Variants in ZFP1 observed in about 807,000 individuals in gnomAD.
The protein encoded by ZFP1 is ZFP1 zinc finger protein.
A neutral mutation model predicts 38.5 loss-of-function variants in ZFP1; 32 were observed. The observed-to-expected ratio is 0.83, with a 90% CI of 0.63 to 1.12. ZFP1 has a LOEUF of 1.12. Ranked by LOEUF, ZFP1 falls within the 50% of genes most tolerant of loss-of-function variation. ZFP1 has a pLI of 0.00. For synonymous variants in ZFP1, 245 were observed against 168.8 expected (o/e 1.45, Z -3.50); for missense variants, 616 against 480.8 (o/e 1.28, Z -2.63).
chr16:75,130,353 C>G, the ZFP1 span, among the ~76,000 whole-genome samples: 1 of 152,160 alleles, frequency 6.6e-6, no homozygotes, highest in Non-Finnish European at 1.5e-5. Flanking sequence ...CAGCCCTTCT[C>G]CCCTGATTCT....
At chr16:75,167,816 G>C (rs982007938) in intron 3 of ZFP1, among the ~76,000 whole-genome samples, 6 of 152,078 alleles carry the variant, frequency 3.9e-5, no homozygotes, top group African/African-American at 1.4e-4. Flanking sequence ...CTGACCCCAG[G>C]CCAGGCGCCA....
Position 75,169,487 on chromosome 16 carries a change from A to G in ZFP1, c.377A>G (p.Tyr126Cys), listed in dbSNP as rs757245906. The change falls in exon 4 of 4, where the codon TAT becomes TGT. Residue 126 changes from tyrosine (Y) to cysteine (C), a missense_variant. Tyr to Cys is a radical substitution (Grantham distance 194). Transcript: ENST00000570010. ...NSDLLNSNRSYAGKQTDECNE... is the reference protein window; with the variant it reads ...NSDLLNSNRSCAGKQTDECNE... ...GACTTGCTTAATAGTAATAGAAGCTATGCAGGAAAGCAGACTGATGAGTGT... is the reference window on the plus strand; with the variant it reads ...GACTTGCTTAATAGTAATAGAAGCTGTGCAGGAAAGCAGACTGATGAGTGT... 5 of 1,612,978 alleles carry G rather than the reference A, an allele frequency of 3.1e-6. No individual in the cohort carries two copies. Among genetic ancestry groups the G allele is most frequent in the South Asian group, 1.1e-5 (1 of 90,852 alleles).
At chr16:75,149,555 T>TAC (rs2037074336) in intron 1 of ZFP1, among the ~76,000 whole-genome samples, 10 of 99,266 alleles carry the variant, frequency 1.0e-4, no homozygotes, top group Non-Finnish European at 1.7e-4. Flanking sequence ...TTTCTTTACT[T>TAC]TCTTTTTTTT....
At position 75,168,049 on chromosome 16, in the gene ZFP1, C is replaced by T. The variant is rs188091229; in HGVS notation, c.142+1153C>T. Reference sequence around the variant, plus strand: ...ATACTCCAGCCTGGGCAACAGAGACCGACCCCATCTCAAAAAAACAAAAAT... The same window carrying T: ...ATACTCCAGCCTGGGCAACAGAGACTGACCCCATCTCAAAAAAACAAAAAT... On this transcript the variant is annotated intron_variant, in intron 3 of 3. Transcript: ENST00000570010. Among the ~76,000 whole-genome samples, 355 of 151,106 alleles carry T rather than the reference C, an allele frequency of 2.3e-3. 1 individual carries two copies. The highest frequency in any genetic ancestry group is 4.1e-3 in the Non-Finnish European group (277 of 67,664).
chr16:75,166,480 T>G (rs9929570), intron 2 of ZFP1: 14 of 938,862 alleles, frequency 1.5e-5, no homozygotes, highest in African/African-American at 1.8e-5. Context: ...CCCGCCCACC[T>G]AGCCTCCCAA....
chr16:75,149,561 T>TC (rs2037077408), intron 1 of ZFP1, among the ~76,000 whole-genome samples: 1 of 138,262 alleles, frequency 7.2e-6, no homozygotes, highest in South Asian at 2.4e-4. Context: ...TACTTTCTTT[T>TC]TTTTTTTTTT....
chr16:75,159,237 T>TCCTTC (rs1234813847), intron 2 of ZFP1, among the ~76,000 whole-genome samples: 11 of 150,494 alleles, frequency 7.3e-5, no homozygotes, highest in South Asian at 2.1e-4. Context: ...ATTCCTTCCT[T>TCCTTC]CCTTCCCTTC....
chr16:75,162,338 G>C (rs2037830758), intron 2 of ZFP1, among the ~76,000 whole-genome samples: 1 of 151,848 alleles, frequency 6.6e-6, no homozygotes, highest in Non-Finnish European at 1.5e-5. Context: ...TGCCCAGACT[G>C]GTCTTGAACT....
intron 1 of ZFP1, 22 bp from the exon 2 acceptor site, chr16:75,152,887 C>T (rs374602569): frequency 6.8e-6 from 11 of 1,606,146 alleles, no homozygotes; most frequent in Non-Finnish European, 9.4e-6. Flanking sequence ...ATAACAATGC[C>T]TTCCTTTTTC....
chr16:75,157,775 C>T (rs1416380853), intron 2 of ZFP1, among the ~76,000 whole-genome samples: 4 of 151,932 alleles, frequency 2.6e-5, no homozygotes, highest in African/African-American at 7.3e-5. Flanking sequence ...AAAATAAAGC[C>T]ATACCTACCT....
At chr16:75,125,849 C>T in the ZFP1 span, among the ~76,000 whole-genome samples, 2 of 151,842 alleles carry the variant, frequency 1.3e-5, no homozygotes, top group African/African-American at 4.8e-5. Context: ...TCAGGACCAG[C>T]CTGGCTAACA....
intron 1 of ZFP1, among the ~76,000 whole-genome samples, chr16:75,149,547 TCTTTA>T (rs1473105347): frequency 7.2e-6 from 1 of 139,752 alleles, no homozygotes; most frequent in East Asian, 2.1e-4. Context: ...CCGTTTCTTT[TCTTTA>T]CTTTCTTTTT....
At chr16:75,123,455 G>GTATGTGTATATATATATA in the ZFP1 span, among the ~76,000 whole-genome samples, 1 of 87,292 alleles carries the variant, frequency 1.1e-5, no homozygotes, top group Non-Finnish European at 2.1e-5. Context: ...GTGTGTATAT[G>GTATGTGTATATATATATA]TATATATATA....
At position 75,166,999 on chromosome 16, in the gene ZFP1, T is replaced by A. The variant is rs996041319; in HGVS notation, c.142+103T>A. ...TCTGAATTACTAAATGTTTTTGGCCTAAGTCCTCAGGTATTAAACCTGAGA... is the reference window on the plus strand; with the variant it reads ...TCTGAATTACTAAATGTTTTTGGCCAAAGTCCTCAGGTATTAAACCTGAGA... On this transcript the variant is annotated intron_variant, in intron 3 of 3. Coordinates refer to ENST00000570010, the MANE Select transcript of ZFP1 (RefSeq NM_153688.4). 3 of 1,520,548 alleles carry A rather than the reference T, an allele frequency of 2.0e-6. No individual in the cohort carries two copies. The Admixed American group carries it at 6.5e-5, about 33-fold the overall frequency. 94.2% of individuals were successfully genotyped at this position (1,520,548 alleles called of 1,614,324 possible). A position where few individuals can be genotyped will look rare whatever the true frequency, so the allele number is the denominator to read the frequency against.
At chr16:75,155,177 T>C (rs2037410267) in intron 2 of ZFP1, among the ~76,000 whole-genome samples, 1 of 152,218 alleles carries the variant, frequency 6.6e-6, no homozygotes, top group African/African-American at 2.4e-5. Flanking sequence ...GTCACCTAAG[T>C]GGGAGTGCAG....
rs772260741 is a variant in ZFP1 at position 75,152,932 on chromosome 16, T to G, written c.-20T>G. On this transcript the variant is annotated 5_prime_UTR_variant, in exon 2 of 4. Coordinates refer to ENST00000570010, the MANE Select transcript of ZFP1 (RefSeq NM_153688.4). ...AGTTCTGCCTTCATAGTTCTCTGCC[T>G]TTGCCCAAAACTGCAGAAAATGAAC... 1 of 1,613,714 alleles carries G rather than the reference T, an allele frequency of 6.2e-7. No individual in the cohort carries two copies. Among genetic ancestry groups the G allele is most frequent in the East Asian group, 2.2e-5 (1 of 44,846 alleles).
chr16:75,123,755 G>C, the ZFP1 span, among the ~76,000 whole-genome samples: 2 of 150,880 alleles, frequency 1.3e-5, no homozygotes, highest in Non-Finnish European at 3.0e-5. Flanking sequence ...TGGGATTACA[G>C]GTGTGAGCCA....
At chr16:75,163,650 C>T (rs1360333907) in intron 2 of ZFP1, among the ~76,000 whole-genome samples, 2 of 148,426 alleles carry the variant, frequency 1.3e-5, no homozygotes, top group Non-Finnish European at 3.0e-5. Flanking sequence ...CTTGCTGTGT[C>T]TCCAGGGCTG....
chr16:75,133,402 C>G, the ZFP1 span, among the ~76,000 whole-genome samples: 2 of 152,214 alleles, frequency 1.3e-5, no homozygotes, highest in African/African-American at 4.8e-5. Flanking sequence ...CAATAGTTAC[C>G]TTTTCTGCTC....
Sources: allele counts gnomAD v4.1 joint callset (sites outside exome capture counted in the v4.1 genomes callset), GRCh38; gene constraint gnomAD v4.1.1; transcripts MANE v1.5; gene names NCBI Gene and HGNC (gene_info 2026-07-23, HGNC 2026-07-21).